Variants in TTLL5 observed in about 807,000 individuals in gnomAD.
The protein encoded by TTLL5 is tubulin tyrosine ligase like 5.
A neutral mutation model predicts 168.4 loss-of-function variants in TTLL5; 132 were observed. The observed-to-expected ratio is 0.78, with a 90% CI of 0.68 to 0.91. The LOEUF (loss-of-function observed/expected upper bound fraction) is 0.91, where lower values mean the gene tolerates loss of function less well. TTLL5 is among the 40% of genes least tolerant of loss of function. The pLI, the probability that TTLL5 is intolerant of heterozygous loss-of-function variation, is 0.00. For synonymous variants in TTLL5, 546 were observed against 558.6 expected, an observed-to-expected ratio of 0.98 and a Z score of 0.32; for missense variants, 1,545 against 1,581.5, an observed-to-expected ratio of 0.98 and a Z score of 0.39.
intron 24 of TTLL5, among the ~76,000 whole-genome samples, chr14:75,780,796 G>A (rs1892002551): frequency 6.6e-6 from 1 of 152,152 alleles, no homozygotes; most frequent in Non-Finnish European, 1.5e-5. Flanking sequence ...TTGTATTACT[G>A]GAAGTCCTGA....
intron 26 of TTLL5, 92 bp downstream of exon 26, chr14:75,783,622 A>G (rs930662202): frequency 3.3e-6 from 5 of 1,496,450 alleles, no homozygotes; most frequent in Non-Finnish European, 2.7e-6. Context: ...GCCTTTTTTT[A>G]AATTTTGAAA....
At chr14:75,730,629 A>G (rs1480683236) in intron 12 of TTLL5, among the ~76,000 whole-genome samples, 3 of 152,350 alleles carry the variant, frequency 2.0e-5, no homozygotes, top group Admixed American at 2.0e-4. Context: ...ATTAATAAAG[A>G]GGCTAAAGGA....
intron 31 of TTLL5, among the ~76,000 whole-genome samples, chr14:75,932,464 C>CT (rs1352488546): frequency 6.6e-6 from 1 of 152,174 alleles, no homozygotes; most frequent in African/African-American, 2.4e-5. Context: ...GAGTTTTTTG[C>CT]TGTTTGCCTC....
intron 27 of TTLL5, among the ~76,000 whole-genome samples, chr14:75,809,935 A>G (rs1315776282): frequency 1.3e-5 from 2 of 152,130 alleles, no homozygotes; most frequent in East Asian, 3.8e-4. Flanking sequence ...CTCTATGTAT[A>G]TATGTCACAT....
chr14:75,821,852 C>G (rs1894851044), intron 28 of TTLL5, among the ~76,000 whole-genome samples: 1 of 152,148 alleles, frequency 6.6e-6, no homozygotes, highest in Non-Finnish European at 1.5e-5. Context: ...CACAAAGTCC[C>G]CTGGTCTTTT....
intron 26 of TTLL5, among the ~76,000 whole-genome samples, chr14:75,791,546 CT>C (rs879851126): frequency 1.7e-4 from 25 of 148,900 alleles, no homozygotes; most frequent in Admixed American, 2.7e-4. Context: ...TTTGATAAAA[CT>C]TTTTTTTTTA....
At chr14:75,828,277 A>G (rs1240400579) in intron 28 of TTLL5, among the ~76,000 whole-genome samples, 2 of 152,142 alleles carry the variant, frequency 1.3e-5, no homozygotes, top group African/African-American at 4.8e-5. Context: ...TTCTTCCATC[A>G]TCTGCCACCC....
chr14:75,875,504 T>C (rs1294872434), intron 29 of TTLL5, among the ~76,000 whole-genome samples: 1 of 150,754 alleles, frequency 6.6e-6, no homozygotes, highest in Non-Finnish European at 1.5e-5. Flanking sequence ...ATCGTGCCAC[T>C]GCACTCCAGC....
chr14:75,931,433 A>C (rs2034273162), intron 31 of TTLL5, among the ~76,000 whole-genome samples: 2 of 152,206 alleles, frequency 1.3e-5, no homozygotes, highest in African/African-American at 4.8e-5. Flanking sequence ...AATATCCCTC[A>C]GTTAACAACT....
intron 7 of TTLL5, among the ~76,000 whole-genome samples, chr14:75,703,116 C>T (rs1438917872): frequency 6.6e-6 from 1 of 152,162 alleles, no homozygotes; most frequent in African/African-American, 2.4e-5. Flanking sequence ...GCCTGCTTTC[C>T]TTTTAGATTT....
intron 1 of TTLL5, among the ~76,000 whole-genome samples, chr14:75,662,585 C>T (rs1027092655): frequency 2.0e-5 from 3 of 151,894 alleles, no homozygotes; most frequent in South Asian, 2.1e-4. Flanking sequence ...GTGATCCGCC[C>T]GCCTTGGCCT....
intron 17 of TTLL5, among the ~76,000 whole-genome samples, chr14:75,749,561 A>G (rs142282152): frequency 5.7e-5 from 4 of 70,336 alleles, no homozygotes; most frequent in Admixed American, 1.8e-4. Flanking sequence ...TGCTGACCCT[A>G]TAGGAGCAGT....
chr14:75,906,227 A>G (rs749766332), intron 31 of TTLL5, among the ~76,000 whole-genome samples: 2 of 152,130 alleles, frequency 1.3e-5, no homozygotes, highest in Non-Finnish European at 2.9e-5. Context: ...AGAATGGCCT[A>G]TTTTCATGAT....
At position 75,745,155 on chromosome 14, in the gene TTLL5, G is replaced by A. The variant is rs549288780; in HGVS notation, c.1342G>A (p.Glu448Lys). ...GAAAAACCTCGTGGGCTCAGCCCGG[G>A]AGAAAGGGCCAGGGAAGTTGGGTGG... is the stretch of plus-strand genomic sequence containing the variant. ...EMKNLVGSAR[E>K]KGPGKLGGSV... The change falls in exon 16 of 32, where the codon GAG becomes AAG. Residue 448 changes from glutamate (E) to lysine (K), a missense_variant. Transcript: ENST00000298832. The A allele has an allele frequency of 6.2e-7, 1 of 1,613,982 alleles. No homozygotes were observed. The highest frequency in any genetic ancestry group is 1.1e-5 in the South Asian group (1 of 91,060).
In TTLL5 at chr14:75,914,052, A is replaced by ATATATATATATATATATT. The variant is rs1304496430; in HGVS notation, c.3823+11831_3823+11832insATATATATATATATTTAT. 8.1e-4 allele frequency among the ~76,000 whole-genome samples: 99 copies of ATATATATATATATATATT among 122,308 alleles called. 2 individuals carry two copies. Among genetic ancestry groups the ATATATATATATATATATT allele is most frequent in the Admixed American group, 7.4e-3 (82 of 11,068 alleles). The allele number at this position is 122,308 out of a possible 152,430, so 80.2% of individuals were successfully genotyped here. A position where few individuals can be genotyped will look rare whatever the true frequency, so the allele number is the denominator to read the frequency against. ...AAAAAAAATATATATATATATATAT[A>ATATATATATATATATATT]TATTTTATCCCCTAAGGGCCCAGTT... On this transcript the variant is annotated intron_variant, in intron 31 of 31. Coordinates refer to ENST00000298832, the MANE Select transcript of TTLL5 (RefSeq NM_015072.5).
At chr14:75,819,061 G>A (rs1894678834) in intron 27 of TTLL5, among the ~76,000 whole-genome samples, 1 of 152,034 alleles carries the variant, frequency 6.6e-6, no homozygotes, top group Admixed American at 6.6e-5. Context: ...TGAGTATTAT[G>A]GTACTTACCA....
In TTLL5 at chr14:75,786,065, T is replaced by C. The variant is rs1026408055; in HGVS notation, c.2986+2535T>C. ...CAGTCTATATTTCTTAATACCTGTT[T>C]TCAAATGAAATGGATATTTTAATAT... On this transcript the variant is annotated intron_variant, in intron 26 of 31. Coordinates refer to ENST00000298832, the MANE Select transcript of TTLL5 (RefSeq NM_015072.5). Among the ~76,000 whole-genome samples the C allele has an allele frequency of 3.9e-5, 6 of 152,222 alleles. No individual in the cohort carries two copies. In the East Asian group the frequency reaches 1.2e-3, roughly 29 times the overall value.
At chr14:75,907,790 A>G (rs546917373) in intron 31 of TTLL5, among the ~76,000 whole-genome samples, 2 of 152,352 alleles carry the variant, frequency 1.3e-5, no homozygotes, top group East Asian at 1.9e-4. Flanking sequence ...AGCCTGTCCA[A>G]TGATGAACAA....
rs1708352295 is a variant in TTLL5, at chr14:75,755,976, CCCCCCCACCG to C, written c.1550+3031_1550+3040del. The stretch of plus-strand genomic sequence containing the variant: ...TTAACCCTGGCTTATGTCCTGGCCA[CCCCCCCACCG>C]CCCCCCACCCCCACCCAGAGTGAAG... On this transcript the variant is annotated intron_variant, in intron 18 of 31. Transcript: ENST00000298832. Among the ~76,000 whole-genome samples the C allele has an allele frequency of 3.8e-4, 29 of 75,780 alleles. No homozygotes were observed. The South Asian group carries it at 0.014, about 37-fold the overall frequency. The allele number at this position is 75,780 out of a possible 152,430, so 49.7% of individuals were successfully genotyped here. A position where few individuals can be genotyped will look rare whatever the true frequency, so the allele number is the denominator to read the frequency against.
Sources: gnomAD v4.1 joint callset for allele counts (sites outside exome capture counted in the v4.1 genomes callset) on GRCh38, gnomAD v4.1.1 for gene constraint, MANE v1.5 for transcripts, NCBI Gene and HGNC (gene_info 2026-07-23, HGNC 2026-07-21) for gene names.